FARSB: variants seen among roughly 807,000 people sequenced by gnomAD.
FARSB encodes the protein phenylalanine--tRNA ligase beta subunit.
Under a neutral mutation model 69.6 loss-of-function variants are expected in FARSB, and 40 were observed. The observed-to-expected ratio is 0.57, with a 90% CI of 0.45 to 0.75. The LOEUF (loss-of-function observed/expected upper bound fraction) is 0.75, where lower values mean the gene tolerates loss of function less well. Among genes scored for constraint, FARSB ranks in the 30% least tolerant of loss-of-function variants. FARSB has a pLI of 0.00. For missense variants in FARSB, 632 were observed against 722.9 expected, an observed-to-expected ratio of 0.87 and a Z score of 1.44; for synonymous variants, 235 against 247.2, an observed-to-expected ratio of 0.95 and a Z score of 0.46.
chr2:222,630,265 C>A, intron 8 of FARSB, 91 bp from the exon 9 acceptor site: 1 of 669,278 alleles, frequency 1.5e-6, no homozygotes, highest in Non-Finnish European at 2.5e-6. Flanking sequence ...TAATTGTGTC[C>A]TCACATCTAA....
At chr2:222,624,842 T>C in intron 10 of FARSB, 67 bp from the exon 11 acceptor site, 1 of 922,852 alleles carries the variant, frequency 1.1e-6, no homozygotes, top group Non-Finnish European at 1.7e-6. Flanking sequence ...TCTTTTCCAT[T>C]AGTCATTATT....
intron 16 of FARSB, among the ~76,000 whole-genome samples, chr2:222,589,409 C>G (rs1690204922): frequency 6.6e-6 from 1 of 152,094 alleles, no homozygotes; most frequent in Non-Finnish European, 1.5e-5. Context: ...CCATAAAAAT[C>G]CTAGAATAAA....
chr2:222,621,931 T>TC (rs1032907759), intron 13 of FARSB, among the ~76,000 whole-genome samples: 3 of 152,084 alleles, frequency 2.0e-5, no homozygotes, highest in East Asian at 1.9e-4. Flanking sequence ...TCCTTTCTCT[T>TC]CCCCCCAGTG....
intron 14 of FARSB, among the ~76,000 whole-genome samples, chr2:222,614,834 C>G (rs1196575445): frequency 1.3e-5 from 2 of 151,932 alleles, no homozygotes; most frequent in African/African-American, 2.4e-5. Context: ...GAACCTGTCT[C>G]TAAACAAATA....
rs555518409 is a variant in FARSB at position 222,636,893 on chromosome 2, C to T, written c.456-2352G>A. 5.9e-5 allele frequency among the ~76,000 whole-genome samples: 9 copies of T among 152,308 alleles called. No individual in the cohort carries two copies. In the South Asian group the frequency reaches 8.3e-4, roughly 14 times the overall value. Reference sequence around the variant, plus strand: ...AGAAATATGGAAGACATGACTCTTACTCCAGACAAAACTAGTCCATAGAAA... The same window carrying T: ...AGAAATATGGAAGACATGACTCTTATTCCAGACAAAACTAGTCCATAGAAA... On this transcript the variant is annotated intron_variant, in intron 5 of 16. Transcript: ENST00000281828.
chr2:222,638,546 T>A (rs1294489900), intron 5 of FARSB, among the ~76,000 whole-genome samples: 1 of 152,218 alleles, frequency 6.6e-6, no homozygotes, highest in Non-Finnish European at 1.5e-5. Context: ...ACATATAAAC[T>A]CTTTTATATA....
chr2:222,636,393 A>AAAG (rs1363036478), intron 5 of FARSB, among the ~76,000 whole-genome samples: 1 of 151,482 alleles, frequency 6.6e-6, no homozygotes, highest in Non-Finnish European at 1.5e-5. Context: ...CTCAAAAAAA[A>AAAG]AAAAAAAAAA....
At chr2:222,619,387 G>A (rs28529764) in intron 14 of FARSB, among the ~76,000 whole-genome samples, 20,102 of 150,430 alleles carry the variant, frequency 0.13, 1,516 homozygotes, top group African/African-American at 0.2. Context: ...GGAAAGTTCA[G>A]ACAAGAGAGA....
intron 16 of FARSB, among the ~76,000 whole-genome samples, chr2:222,577,048 C>T (rs532736844): frequency 1.3e-5 from 2 of 151,606 alleles, no homozygotes; most frequent in Non-Finnish European, 1.5e-5. Flanking sequence ...AGGGGGAAAA[C>T]GGTACAATGT....
At chr2:222,652,851 T>C (rs1343003937) in intron 1 of FARSB, among the ~76,000 whole-genome samples, 1 of 152,230 alleles carries the variant, frequency 6.6e-6, no homozygotes, top group Non-Finnish European at 1.5e-5. Context: ...GATAATTTAG[T>C]ATGCAGTAAT....
At chr2:222,643,145 C>T in intron 2 of FARSB, 140 bp from the exon 3 acceptor site, 2 of 500,756 alleles carry the variant, frequency 4.0e-6, no homozygotes, top group Non-Finnish European at 7.1e-6. Context: ...ATATCCACGA[C>T]AAAAACAACA....
intron 3 of FARSB, among the ~76,000 whole-genome samples, chr2:222,641,898 T>C (rs1183354953): frequency 6.6e-6 from 1 of 152,186 alleles, no homozygotes. Flanking sequence ...CAGTTAGAAC[T>C]CTTATTCTTT....
At chr2:222,592,953 C>T (rs530289193) in intron 16 of FARSB, among the ~76,000 whole-genome samples, 7 of 152,098 alleles carry the variant, frequency 4.6e-5, no homozygotes, top group Non-Finnish European at 7.4e-5. Flanking sequence ...ATCTTCCTTT[C>T]GTCCGGTGTG....
intron 1 of FARSB, among the ~76,000 whole-genome samples, chr2:222,649,980 T>C (rs1691988148): frequency 6.6e-6 from 1 of 152,096 alleles, no homozygotes; most frequent in African/African-American, 2.4e-5. Flanking sequence ...CAAAGATAAA[T>C]AAAACACAAT....
chr2:222,641,823 A>T (rs999841018), intron 3 of FARSB, among the ~76,000 whole-genome samples: 1 of 152,162 alleles, frequency 6.6e-6, no homozygotes, highest in Admixed American at 6.6e-5. Flanking sequence ...CTAATGCCTA[A>T]TTATCACCAT....
intron 4 of FARSB, 69 bp from the exon 5 acceptor site, chr2:222,639,764 A>G (rs1013675845): frequency 2.5e-5 from 15 of 607,222 alleles, no homozygotes; most frequent in Middle Eastern, 4.2e-4. Context: ...TGTAATAGGA[A>G]GGTAGCTGCA....
intron 1 of FARSB, 70 bp downstream of exon 1, chr2:222,655,946 T>G: frequency 7.9e-7 from 1 of 1,265,246 alleles, no homozygotes; most frequent in Non-Finnish European, 1.1e-6. Context: ...TGTCGCCACA[T>G]TGCCCTTTTG....
At chr2:222,580,494 CAA>C (rs5838957) in intron 16 of FARSB, among the ~76,000 whole-genome samples, 54 of 139,490 alleles carry the variant, frequency 3.9e-4, no homozygotes, top group Non-Finnish European at 3.6e-4. Context: ...GACAACATCT[CAA>C]AAAAAAAAAA....
rs200932084 is a variant in FARSB at position 222,628,904 on chromosome 2, A to G, written c.849-16T>C. 1,927 of 1,601,866 alleles carry G rather than the reference A, an allele frequency of 1.2e-3. 3 individuals are homozygous for G. Among genetic ancestry groups the G allele is most frequent in the Non-Finnish European group, 1.5e-3 (1,746 of 1,171,036 alleles). ...AGCTTCGACCCTGAAAACAAAAGCCAGAAATAAAATACTTAAGAAAAAAAT... is the reference window on the plus strand; with the variant it reads ...AGCTTCGACCCTGAAAACAAAAGCCGGAAATAAAATACTTAAGAAAAAAAT... On this transcript the variant is annotated splice_polypyrimidine_tract_variant and intron_variant, in intron 9 of 16. Coordinates refer to ENST00000281828, the MANE Select transcript of FARSB (RefSeq NM_005687.5).
Sources: gnomAD v4.1 joint callset for allele counts (sites outside exome capture counted in the v4.1 genomes callset) on GRCh38, gnomAD v4.1.1 for gene constraint, MANE v1.5 for transcripts, NCBI Gene and HGNC (gene_info 2026-07-23, HGNC 2026-07-21) for gene names.